Variants in SLIT1 observed in about 807,000 individuals in gnomAD.
SLIT1 encodes the protein slit homolog 1 protein.
A neutral mutation model predicts 186.1 loss-of-function variants in SLIT1; 66 were observed. The observed-to-expected ratio is 0.35, with a 90% CI of 0.29 to 0.44. SLIT1 has a LOEUF of 0.44. SLIT1 is among the 20% of genes least tolerant of loss of function. The pLI is 1.00. For missense variants in SLIT1, 1,638 were observed against 2,037.4 expected, an observed-to-expected ratio of 0.80 and a Z score of 3.77; for synonymous variants, 761 against 833.8, an observed-to-expected ratio of 0.91 and a Z score of 1.50.
chr10:97,095,458 C>A (rs1449789756), intron 4 of SLIT1, among the ~76,000 whole-genome samples: 1 of 152,150 alleles, frequency 6.6e-6, no homozygotes, highest in African/African-American at 2.4e-5. Flanking sequence ...CCATTTTGCA[C>A]CTTGCTTCCT....
chr10:97,009,336 T>C (rs951424045), intron 31 of SLIT1, among the ~76,000 whole-genome samples: 1 of 152,238 alleles, frequency 6.6e-6, no homozygotes, highest in Non-Finnish European at 1.5e-5. Context: ...GAAATATCCT[T>C]ACATTTAAAG....
intron 4 of SLIT1, among the ~76,000 whole-genome samples, chr10:97,147,447 T>TA (rs1209831072): frequency 6.6e-6 from 1 of 152,156 alleles, no homozygotes. Flanking sequence ...ACCATGATTT[T>TA]AAAAAAGTGT....
At chr10:97,005,487 G>A (rs1259339424) in intron 32 of SLIT1, among the ~76,000 whole-genome samples, 1 of 152,182 alleles carries the variant, frequency 6.6e-6, no homozygotes, top group Non-Finnish European at 1.5e-5. Flanking sequence ...CAGTCACACT[G>A]CCCCATCTCC....
chr10:97,140,180 T>C (rs1849743671), intron 4 of SLIT1, among the ~76,000 whole-genome samples: 1 of 151,982 alleles, frequency 6.6e-6, no homozygotes, highest in East Asian at 1.9e-4. Flanking sequence ...AAGGCGGGTG[T>C]CTCGCCACCA....
chr10:97,030,338 C>T (rs553317663), intron 25 of SLIT1, among the ~76,000 whole-genome samples: 3 of 152,294 alleles, frequency 2.0e-5, no homozygotes, highest in Admixed American at 6.5e-5. Flanking sequence ...ACTAGTGGAG[C>T]GCTTAAGAGC....
chr10:97,143,926 A>G (rs748222822), intron 4 of SLIT1, among the ~76,000 whole-genome samples: 10 of 152,236 alleles, frequency 6.6e-5, no homozygotes, highest in Non-Finnish European at 1.0e-4. Flanking sequence ...GGCTGAGCGC[A>G]GTGGCTCACA....
chr10:97,107,548 C>G (rs1454294920), intron 4 of SLIT1, among the ~76,000 whole-genome samples: 4 of 152,176 alleles, frequency 2.6e-5, no homozygotes, highest in Non-Finnish European at 5.9e-5. Flanking sequence ...TTCTCAAAGA[C>G]CTTTCTCTTT....
At chr10:97,156,353 G>A (rs867123102) in intron 4 of SLIT1, among the ~76,000 whole-genome samples, 1 of 152,182 alleles carries the variant, frequency 6.6e-6, no homozygotes, top group African/African-American at 2.4e-5. Flanking sequence ...TGAGGCTGGT[G>A]GATCGCTTGA....
rs150653068 is a variant in SLIT1 at position 97,157,349 on chromosome 10, C to A, written c.413+469G>T. ...CATTGACAATACATAAAAATATGATCTTATACCATGGTTAATAACCTTACA... is the reference window on the plus strand; with the variant it reads ...CATTGACAATACATAAAAATATGATATTATACCATGGTTAATAACCTTACA... On this transcript the variant is annotated intron_variant, in intron 4 of 36. Transcript: ENST00000266058. 1.0e-3 allele frequency: 159 copies of A among 157,160 alleles called. 1 individual carries two copies. The East Asian group carries it at 0.028, about 28-fold the overall frequency. The allele number at this position is 157,160 out of a possible 1,614,324, so 9.7% of individuals were successfully genotyped here.
At chr10:97,025,823 C>T (rs1267634413) in intron 25 of SLIT1, among the ~76,000 whole-genome samples, 1 of 152,156 alleles carries the variant, frequency 6.6e-6, no homozygotes, top group East Asian at 1.9e-4. Context: ...TGAAATAGCG[C>T]CCCCTGGCTG....
Position 97,068,534 on chromosome 10 carries a change from GCTCT to G in SLIT1, c.414-2452_414-2449del, listed in dbSNP as rs1848972522. Among the ~76,000 whole-genome samples the G allele has an allele frequency of 6.6e-6, 1 of 151,704 alleles. No homozygotes were observed. The highest frequency in any genetic ancestry group is 1.5e-5 in the Non-Finnish European group (1 of 67,902). On this transcript the variant is annotated intron_variant, in intron 4 of 36. Transcript: ENST00000266058. This position sits in a 1 kb window ranked among gnomAD's most constrained non-coding sequence, Gnocchi z 4.2. ...GTGCCCCTCGTTCTTGCTCTCTATT[GCTCT>G]CTCTCTCCTGGATGTAGGCCCCATC...
intron 4 of SLIT1, among the ~76,000 whole-genome samples, chr10:97,066,630 G>T (rs1848949213): frequency 6.6e-6 from 1 of 152,154 alleles, no homozygotes; most frequent in Admixed American, 6.5e-5. Context: ...CACGTGAAGT[G>T]CCTGCTCCCC....
chr10:97,092,316 T>G (rs1221521342), intron 4 of SLIT1, among the ~76,000 whole-genome samples: 2 of 152,208 alleles, frequency 1.3e-5, no homozygotes, highest in Non-Finnish European at 2.9e-5. Flanking sequence ...AGGCTCCAGT[T>G]AGAAGCAAAT....
chr10:97,183,914 G>A (rs926308480), intron 1 of SLIT1, among the ~76,000 whole-genome samples: 1 of 151,778 alleles, frequency 6.6e-6, no homozygotes. Context: ...TCCTCTCTGG[G>A]TCCACACAGG....
intron 4 of SLIT1, among the ~76,000 whole-genome samples, chr10:97,088,764 G>A (rs1849196114): frequency 6.6e-6 from 1 of 152,220 alleles, no homozygotes; most frequent in African/African-American, 2.4e-5. Flanking sequence ...TCAGAAGCCA[G>A]GAACCAGGGC....
chr10:97,042,756 CAG>C, intron 20 of SLIT1, 143 bp downstream of exon 20: 1 of 795,426 alleles, frequency 1.3e-6, no homozygotes, highest in Non-Finnish European at 2.0e-6. Flanking sequence ...CTCCTGAAAA[CAG>C]GGCCTCCCCT....
At position 97,035,676 on chromosome 10, in the gene SLIT1, CCA is replaced by C. The variant is rs200030787; in HGVS notation, c.2367-1136_2367-1135del. On this transcript the variant is annotated intron_variant, in intron 22 of 36. Transcript: ENST00000266058. Reference sequence around the variant, plus strand: ...TCTATGACACAAAGCTGACGAAACCCCACAGTGGCACCCATGTGCCTAGCATG... The same window carrying C: ...TCTATGACACAAAGCTGACGAAACCCCAGTGGCACCCATGTGCCTAGCATG... Among the ~76,000 whole-genome samples, 7 of 152,340 alleles carry C rather than the reference CCA, an allele frequency of 4.6e-5. No individual in the cohort carries two copies. In the East Asian group the frequency reaches 1.2e-3, roughly 25 times the overall value.
Position 97,030,751 on chromosome 10 carries a change from A to G in SLIT1, c.2582+6T>C, listed in dbSNP as rs753886489. The G allele has an allele frequency of 6.2e-7, 1 of 1,611,468 alleles. No individual in the cohort carries two copies. The highest frequency in any genetic ancestry group is 8.5e-7 in the Non-Finnish European group (1 of 1,177,760). ...GAGGCCCAGAGAAAGGGGCTAGGGTACTCACAGGTGAGACAGGGAGGTCAC... is the reference window on the plus strand; with the variant it reads ...GAGGCCCAGAGAAAGGGGCTAGGGTGCTCACAGGTGAGACAGGGAGGTCAC... On this transcript the variant is annotated splice_donor_region_variant and intron_variant, in intron 25 of 36. Coordinates refer to ENST00000266058, the MANE Select transcript of SLIT1 (RefSeq NM_003061.3).
intron 1 of SLIT1, among the ~76,000 whole-genome samples, chr10:97,170,960 C>T (rs1320167965): frequency 6.6e-6 from 1 of 152,164 alleles, no homozygotes; most frequent in Admixed American, 6.5e-5. Context: ...CACCCTGGAG[C>T]TCCAGCCACT....
Sources: allele counts gnomAD v4.1 joint callset (sites outside exome capture counted in the v4.1 genomes callset), GRCh38; gene constraint gnomAD v4.1.1; non-coding constraint Gnocchi (gnomAD v3.1); transcripts MANE v1.5; gene names NCBI Gene and HGNC (gene_info 2026-07-23, HGNC 2026-07-21).